The following CELF2 variants were observed in gnomAD, a reference collection of about 807,000 sequenced individuals.
The protein encoded by CELF2 is CUG triplet repeat RNA-binding protein 2.
A neutral mutation model predicts 62.6 loss-of-function variants in CELF2; 8 were observed. The ratio of observed to expected loss-of-function variants is 0.13; its 90% CI spans 0.07 to 0.23. The LOEUF (loss-of-function observed/expected upper bound fraction) is 0.23, where lower values mean the gene tolerates loss of function less well. Ranked by LOEUF, CELF2 falls within the 10% of genes least tolerant of loss-of-function variation. The pLI, the probability that CELF2 is intolerant of heterozygous loss-of-function variation, is 1.00. For synonymous variants in CELF2, 258 were observed against 250.0 expected (o/e 1.03, Z -0.30); for missense variants, 333 against 671.0 (o/e 0.50, Z 5.56).
the CELF2 span, among the ~76,000 whole-genome samples, chr10:10,707,064 A>T: frequency 6.6e-6 from 1 of 152,222 alleles, no homozygotes; most frequent in African/African-American, 2.4e-5. Context: ...TAGGGGGTCA[A>T]TGCTGAAGTC....
chr10:10,890,667 C>T (rs927007536), intron 1 of CELF2, among the ~76,000 whole-genome samples: 4 of 152,238 alleles, frequency 2.6e-5, no homozygotes, highest in African/African-American at 4.8e-5. Flanking sequence ...CACATCCATG[C>T]GCAAAGTGTT....
At chr10:10,943,138 T>C (rs554404101) in intron 2 of CELF2, among the ~76,000 whole-genome samples, 1 of 152,334 alleles carries the variant, frequency 6.6e-6, no homozygotes, top group Non-Finnish European at 1.5e-5. Context: ...TCATTAACTT[T>C]ATTGTTGGGG....
chr10:10,999,857 T>C (rs2054344982), intron 2 of CELF2, among the ~76,000 whole-genome samples: 1 of 152,216 alleles, frequency 6.6e-6, no homozygotes, highest in Admixed American at 6.5e-5. Flanking sequence ...AAAGGTCATA[T>C]TCACATTTGG....
At chr10:11,026,359 C>A (rs2138490560) in intron 1 of CELF2, among the ~76,000 whole-genome samples, 1 of 152,340 alleles carries the variant, frequency 6.6e-6, no homozygotes, top group East Asian at 1.9e-4. Flanking sequence ...TTTAAACCAA[C>A]TTAAATACCT....
the CELF2 span, among the ~76,000 whole-genome samples, chr10:10,656,889 A>G: frequency 6.6e-6 from 1 of 151,176 alleles, no homozygotes; most frequent in Non-Finnish European, 1.5e-5. Context: ...ATAAAAAATA[A>G]AAAAATAACT....
the CELF2 span, among the ~76,000 whole-genome samples, chr10:10,685,638 A>G: frequency 6.6e-6 from 1 of 152,306 alleles, no homozygotes. Flanking sequence ...AGCCCTAAAA[A>G]TTCAGGAGAT....
At chr10:10,903,560 C>A (rs2063103125) in intron 1 of CELF2, among the ~76,000 whole-genome samples, 1 of 152,186 alleles carries the variant, frequency 6.6e-6, no homozygotes, top group Admixed American at 6.5e-5. Context: ...TATAGGGAGT[C>A]TAAAGATGAG....
At chr10:10,621,174 G>A in the CELF2 span, among the ~76,000 whole-genome samples, 9 of 150,668 alleles carry the variant, frequency 6.0e-5, no homozygotes, top group African/African-American at 2.2e-4. Flanking sequence ...AACCCAGGAG[G>A]TGGAGCTTGC....
At chr10:11,044,407 CTT>C (rs1226747614) in intron 1 of CELF2, among the ~76,000 whole-genome samples, 3 of 152,172 alleles carry the variant, frequency 2.0e-5, no homozygotes, top group African/African-American at 7.2e-5. Context: ...ATCACTCAGT[CTT>C]TGCTGCCAAC....
At chr10:10,814,211 T>C (rs2056216273) in intron 1 of CELF2, among the ~76,000 whole-genome samples, 2 of 39,418 alleles carry the variant, frequency 5.1e-5, no homozygotes, top group Non-Finnish European at 8.4e-5. Flanking sequence ...GAAAGAAGAG[T>C]CCTAAAAAAA....
intron 1 of CELF2, among the ~76,000 whole-genome samples, chr10:11,108,569 G>A (rs1180131736): frequency 2.6e-5 from 4 of 152,164 alleles, no homozygotes; most frequent in Admixed American, 6.5e-5. Context: ...AGGGCTTGGC[G>A]GGAGGGTTCA....
At chr10:10,907,025 A>G (rs2063406177) in intron 1 of CELF2, among the ~76,000 whole-genome samples, 1 of 152,130 alleles carries the variant, frequency 6.6e-6, no homozygotes, top group Admixed American at 6.5e-5. Flanking sequence ...CCTTTCTAAC[A>G]TAAGAAATCT....
chr10:10,804,734 T>C (rs183788938), intron 1 of CELF2, among the ~76,000 whole-genome samples: 100 of 152,314 alleles, frequency 6.6e-4, no homozygotes, highest in East Asian at 4.2e-3. Context: ...ATGGGAAACA[T>C]AGAACAGACC....
At chr10:11,035,477 A>T (rs1048959299) in intron 1 of CELF2, among the ~76,000 whole-genome samples, 5 of 152,210 alleles carry the variant, frequency 3.3e-5, no homozygotes, top group African/African-American at 1.2e-4. Context: ...CAGATGACTC[A>T]GCCAAAGCGT....
the CELF2 span, among the ~76,000 whole-genome samples, chr10:10,662,235 G>C: frequency 2.7e-4 from 41 of 152,288 alleles, no homozygotes; most frequent in African/African-American, 9.9e-4. Flanking sequence ...ATATGTCCAA[G>C]GTAGAACAAT....
the CELF2 span, among the ~76,000 whole-genome samples, chr10:10,748,606 G>T: frequency 1.3e-5 from 2 of 151,830 alleles, no homozygotes; most frequent in African/African-American, 4.8e-5. Context: ...AAAGTAGCCG[G>T]CCATGGTCAT....
At chr10:10,678,305 G>C in the CELF2 span, among the ~76,000 whole-genome samples, 1 of 151,938 alleles carries the variant, frequency 6.6e-6, no homozygotes, top group African/African-American at 2.4e-5. Flanking sequence ...TTGCCTTACT[G>C]TGACCGTATT....
intron 2 of CELF2, among the ~76,000 whole-genome samples, chr10:10,994,533 C>T (rs1316046943): frequency 6.6e-6 from 1 of 152,192 alleles, no homozygotes; most frequent in Non-Finnish European, 1.5e-5. Context: ...TATTTACAGC[C>T]GCTCCTCATT....
chr10:10,491,087 G>C, the CELF2 span, among the ~76,000 whole-genome samples: 1 of 152,152 alleles, frequency 6.6e-6, no homozygotes, highest in South Asian at 2.1e-4. Flanking sequence ...ATCGCAGCTA[G>C]AAAACCACTG....
Sources: gnomAD v4.1 joint callset for allele counts (sites outside exome capture counted in the v4.1 genomes callset) on GRCh38, gnomAD v4.1.1 for gene constraint, MANE v1.5 for transcripts, NCBI Gene and HGNC (gene_info 2026-07-23, HGNC 2026-07-21) for gene names.